Variants in SOX5 observed in about 807,000 individuals in gnomAD.
SOX5 encodes SRY-box transcription factor 5.
In SOX5, 9 loss-of-function variants were observed where a neutral mutation model predicts 92.0. The ratio of observed to expected loss-of-function variants is 0.10; its 90% CI spans 0.06 to 0.17. The LOEUF (loss-of-function observed/expected upper bound fraction) is 0.17, where lower values mean the gene tolerates loss of function less well. SOX5 is among the 10% of genes least tolerant of loss of function. The pLI is 1.00. For synonymous variants in SOX5, 344 were observed against 336.3 expected (o/e 1.02, Z -0.25); for missense variants, 642 against 944.5 (o/e 0.68, Z 4.20).
At chr12:23,545,138 A>G (rs1200552653) in intron 12 of SOX5, among the ~76,000 whole-genome samples, 1 of 152,186 alleles carries the variant, frequency 6.6e-6, no homozygotes, top group African/African-American at 2.4e-5. Context: ...ATTAGTATAG[A>G]CCTGGTCTTA....
intron 2 of SOX5, among the ~76,000 whole-genome samples, chr12:23,862,989 A>C (rs1277159621): frequency 6.6e-6 from 1 of 152,168 alleles, no homozygotes; most frequent in Non-Finnish European, 1.5e-5. Context: ...AGAACTATGC[A>C]ACTAGTAGAC....
At chr12:24,354,475 G>C (rs962671266) in intron 2 of SOX5, among the ~76,000 whole-genome samples, 2 of 152,236 alleles carry the variant, frequency 1.3e-5, no homozygotes, top group South Asian at 2.1e-4. Context: ...TTTCCATTAC[G>C]GAAGAGCTAT....
intron 1 of SOX5, among the ~76,000 whole-genome samples, chr12:24,548,077 C>T (rs922200879): frequency 6.6e-6 from 1 of 152,128 alleles, no homozygotes; most frequent in African/African-American, 2.4e-5. Context: ...ATTAATTCCT[C>T]ATAATGGCTT....
chr12:23,672,573 G>C (rs2084973739), intron 6 of SOX5, among the ~76,000 whole-genome samples: 1 of 151,990 alleles, frequency 6.6e-6, no homozygotes, highest in Non-Finnish European at 1.5e-5. Context: ...TCAAGACACA[G>C]TGCAATTTTC....
chr12:24,129,417 A>C (rs2138463783), intron 4 of SOX5, among the ~76,000 whole-genome samples: 1 of 151,986 alleles, frequency 6.6e-6, no homozygotes, highest in African/African-American at 2.4e-5. Flanking sequence ...TCTGATCAAA[A>C]CCCCTTTTCT....
upstream of SOX5, among the ~76,000 whole-genome samples, chr12:23,952,587 T>A (rs1293869565): frequency 6.6e-6 from 1 of 152,230 alleles, no homozygotes; most frequent in East Asian, 1.9e-4. Flanking sequence ...TTCAATATAT[T>A]CTGCAAACAT....
intron 1 of SOX5, among the ~76,000 whole-genome samples, chr12:23,897,727 T>C (rs921947721): frequency 6.6e-6 from 1 of 152,108 alleles, no homozygotes; most frequent in African/African-American, 2.4e-5. Flanking sequence ...AAATGCTCCC[T>C]GGCCAGCAAT....
chr12:24,352,444 C>T (rs966573518), intron 2 of SOX5, among the ~76,000 whole-genome samples: 3 of 152,208 alleles, frequency 2.0e-5, no homozygotes, highest in Admixed American at 1.3e-4. Flanking sequence ...AGGTTCATGT[C>T]ATGATCATTC....
At chr12:23,750,285 G>A (rs1215756981) in intron 4 of SOX5, among the ~76,000 whole-genome samples, 4 of 151,882 alleles carry the variant, frequency 2.6e-5, no homozygotes, top group Admixed American at 6.6e-5. Context: ...CAATAATTTT[G>A]TAAGAAAGAT....
intron 4 of SOX5, among the ~76,000 whole-genome samples, chr12:24,194,708 A>C (rs922652624): frequency 6.6e-6 from 1 of 152,096 alleles, no homozygotes; most frequent in African/African-American, 2.4e-5. Context: ...ACAAAAATAG[A>C]GCTGGCATTC....
chr12:24,129,622 G>A (rs970441779), intron 4 of SOX5, among the ~76,000 whole-genome samples: 3 of 152,110 alleles, frequency 2.0e-5, no homozygotes, highest in Admixed American at 2.0e-4. Context: ...TGCCAGCATC[G>A]CAAAAGCCTG....
At chr12:23,635,811 G>A (rs547334667) in intron 8 of SOX5, among the ~76,000 whole-genome samples, 5 of 152,218 alleles carry the variant, frequency 3.3e-5, no homozygotes, top group African/African-American at 7.2e-5. Flanking sequence ...AGGATAGCTC[G>A]ACCCAAATGA....
At chr12:24,409,130 G>A (rs151215052) in intron 1 of SOX5, among the ~76,000 whole-genome samples, 2,753 of 152,294 alleles carry the variant, frequency 0.018, 40 homozygotes, top group Middle Eastern at 0.031. Flanking sequence ...ATACATCATG[G>A]AATACTATGC....
chr12:24,345,576 GATTA>G (rs1953130600), intron 2 of SOX5, among the ~76,000 whole-genome samples: 1 of 151,026 alleles, frequency 6.6e-6, no homozygotes. Flanking sequence ...TTATTGATTA[GATTA>G]ATTATTATCA....
At chr12:24,495,445 T>G (rs1471111554) in intron 1 of SOX5, among the ~76,000 whole-genome samples, 1 of 152,230 alleles carries the variant, frequency 6.6e-6, no homozygotes, top group Non-Finnish European at 1.5e-5. Flanking sequence ...ATTAGAAGAC[T>G]TATTCAGAAA....
chr12:23,708,445 G>A (rs1247433794), intron 6 of SOX5, among the ~76,000 whole-genome samples: 2 of 152,138 alleles, frequency 1.3e-5, no homozygotes, highest in East Asian at 3.9e-4. Flanking sequence ...AAGTCAACTA[G>A]CACCAAATTG....
intron 13 of SOX5, among the ~76,000 whole-genome samples, chr12:23,537,951 T>G (rs1189327850): frequency 6.6e-6 from 1 of 152,140 alleles, no homozygotes; most frequent in Admixed American, 6.5e-5. Flanking sequence ...AGCGTTTTTT[T>G]TTTTTTAATA....
At chr12:24,545,066 T>A (rs1324887847) in intron 1 of SOX5, among the ~76,000 whole-genome samples, 2 of 152,174 alleles carry the variant, frequency 1.3e-5, no homozygotes, top group Non-Finnish European at 2.9e-5. Flanking sequence ...GACTTAGACG[T>A]CCACCTGGGA....
intron 4 of SOX5, among the ~76,000 whole-genome samples, chr12:24,099,882 A>G (rs1163941476): frequency 6.6e-6 from 1 of 152,096 alleles, no homozygotes; most frequent in Non-Finnish European, 1.5e-5. Flanking sequence ...CAAGCTGTAA[A>G]TCTTGTCTCT....
Sources: allele counts gnomAD v4.1 joint callset (sites outside exome capture counted in the v4.1 genomes callset), GRCh38; gene constraint gnomAD v4.1.1; transcripts MANE v1.5; gene names NCBI Gene and HGNC (gene_info 2026-07-23, HGNC 2026-07-21).